The following PTPRG variants were observed in gnomAD, a reference collection of about 807,000 sequenced individuals.
PTPRG encodes the protein protein tyrosine phosphatase receptor type G.
Under a neutral mutation model 165.3 loss-of-function variants are expected in PTPRG, and 102 were observed. The ratio of observed to expected loss-of-function variants is 0.62; its 90% CI spans 0.53 to 0.73. The LOEUF is 0.73. Ranked by LOEUF, PTPRG falls within the 30% of genes least tolerant of loss-of-function variation. The pLI, the probability that PTPRG is intolerant of heterozygous loss-of-function variation, is 0.00. For missense variants in PTPRG, 1,866 were observed against 1,861.4 expected, an observed-to-expected ratio of 1.00 and a Z score of -0.05; for synonymous variants, 675 against 669.5, an observed-to-expected ratio of 1.01 and a Z score of -0.13.
At chr3:62,089,954 T>A (rs950363863) in intron 5 of PTPRG, among the ~76,000 whole-genome samples, 1 of 151,794 alleles carries the variant, frequency 6.6e-6, no homozygotes, top group African/African-American at 2.4e-5. Context: ...ATGGGAGGAG[T>A]TGCTACCTCC....
intron 8 of PTPRG, among the ~76,000 whole-genome samples, chr3:62,178,693 A>G (rs1705530376): frequency 6.6e-6 from 1 of 152,230 alleles, no homozygotes; most frequent in Non-Finnish European, 1.5e-5. Context: ...TGATACTGGT[A>G]GCAGACTCCA....
At position 62,175,187 on chromosome 3, in the gene PTPRG, CTT is replaced by C. The variant is rs532340425; in HGVS notation, c.1033+7027_1033+7028del. Among the ~76,000 whole-genome samples the C allele has an allele frequency of 4.1e-3, 625 of 152,294 alleles. 3 individuals are homozygous for C. Among genetic ancestry groups the C allele is most frequent in the African/African-American group, 0.014 (600 of 41,552 alleles). The stretch of plus-strand genomic sequence containing the variant: ...TGACATAATGTTGATATTTTATAGA[CTT>C]TTAATGTAGCATTAAATATTTTGTA... On this transcript the variant is annotated intron_variant, in intron 8 of 29. Coordinates refer to ENST00000474889, the MANE Select transcript of PTPRG (RefSeq NM_002841.4).
chr3:62,255,261 C>A lies in PTPRG; in HGVS notation c.2559+46C>A. ...TTAACTTCCAGAAACCTAAGTCTTA[C>A]TTTATGCAGATTTTTGTAAACTTGA... is the stretch of plus-strand genomic sequence containing the variant. On this transcript the variant is annotated intron_variant, in intron 16 of 29. Coordinates refer to ENST00000474889, the MANE Select transcript of PTPRG (RefSeq NM_002841.4). This position sits in a 1 kb window ranked among gnomAD's most constrained non-coding sequence, Gnocchi z 4.0. 3.4e-6 allele frequency: 5 copies of A among 1,464,592 alleles called. No individual in the cohort carries two copies. Among genetic ancestry groups the A allele is most frequent in the Non-Finnish European group, 4.7e-6 (5 of 1,059,826 alleles). The allele number at this position is 1,464,592 out of a possible 1,614,324, so 90.7% of individuals were successfully genotyped here.
intron 1 of PTPRG, among the ~76,000 whole-genome samples, chr3:61,748,036 C>T (rs1270124644): frequency 6.6e-6 from 1 of 152,134 alleles, no homozygotes; most frequent in Non-Finnish European, 1.5e-5. Context: ...GGAAGCTCTC[C>T]ATAATGGGTG....
chr3:61,892,705 A>G (rs1349464194), intron 2 of PTPRG, among the ~76,000 whole-genome samples: 1 of 151,870 alleles, frequency 6.6e-6, no homozygotes, highest in East Asian at 1.9e-4. Context: ...AATCCCAGCT[A>G]CTCAGGAGGC....
At chr3:62,165,848 G>A (rs1464095546) in intron 7 of PTPRG, among the ~76,000 whole-genome samples, 1 of 152,118 alleles carries the variant, frequency 6.6e-6, no homozygotes, top group Non-Finnish European at 1.5e-5. Context: ...AGACTGTTTG[G>A]AAGCAGGTCA....
At position 61,963,190 on chromosome 3, in the gene PTPRG, A is replaced by G. The variant is rs1351258; in HGVS notation, c.191-26435A>G. The stretch of plus-strand genomic sequence containing the variant: ...TTTAAAGTAGGAGTTCTTAACCAGC[A>G]TAAGACTTTAAGGGGTTATTAAACA... On this transcript the variant is annotated intron_variant, in intron 2 of 29. Transcript: ENST00000474889. 1.2e-3 allele frequency among the ~76,000 whole-genome samples: 185 copies of G among 152,358 alleles called. 2 individuals are homozygous for G. The highest frequency in any genetic ancestry group is 4.0e-3 in the African/African-American group (166 of 41,592).
chr3:61,621,506 C>A (rs1701456186), intron 1 of PTPRG, among the ~76,000 whole-genome samples: 1 of 152,158 alleles, frequency 6.6e-6, no homozygotes, highest in Non-Finnish European at 1.5e-5. Context: ...GGATACTGTG[C>A]TTTAGAAGTT....
At chr3:61,637,725 G>A (rs563614826) in intron 1 of PTPRG, among the ~76,000 whole-genome samples, 1 of 152,242 alleles carries the variant, frequency 6.6e-6, no homozygotes, top group South Asian at 2.1e-4. Flanking sequence ...GCCAACTGTG[G>A]ATTTGTGTGT....
intron 1 of PTPRG, among the ~76,000 whole-genome samples, chr3:61,638,560 G>GACT (rs1701979661): frequency 1.4e-5 from 2 of 145,576 alleles, no homozygotes; most frequent in Admixed American, 6.9e-5. Flanking sequence ...AAGTAGCTGG[G>GACT]ACTACAGGCA....
intron 5 of PTPRG, among the ~76,000 whole-genome samples, chr3:62,080,441 A>G (rs1024577771): frequency 5.3e-4 from 81 of 152,042 alleles, no homozygotes; most frequent in African/African-American, 1.9e-3. Flanking sequence ...AACTGCTCTT[A>G]AAACAGTTCC....
At chr3:62,121,822 G>A (rs1007827) in intron 5 of PTPRG, among the ~76,000 whole-genome samples, 13,693 of 152,266 alleles carry the variant, frequency 0.09, 746 homozygotes, top group South Asian at 0.12. Flanking sequence ...TCAGAGGAGA[G>A]AGAGTTGGCC....
chr3:61,634,881 C>T (rs1008490077), intron 1 of PTPRG, among the ~76,000 whole-genome samples: 47 of 152,188 alleles, frequency 3.1e-4, no homozygotes, highest in Admixed American at 3.1e-3. Context: ...TGTCACAACA[C>T]TGTTGAGTGA....
chr3:62,119,599 G>T (rs1347401215), intron 5 of PTPRG, among the ~76,000 whole-genome samples: 1 of 151,452 alleles, frequency 6.6e-6, no homozygotes, highest in Non-Finnish European at 1.5e-5. Flanking sequence ...GTTGTGATTA[G>T]ATTTTTTTTT....
chr3:61,997,690 C>T (rs1251421749), intron 3 of PTPRG, among the ~76,000 whole-genome samples: 2 of 152,178 alleles, frequency 1.3e-5, no homozygotes, highest in African/African-American at 2.4e-5. Flanking sequence ...GCTGTAAGTT[C>T]CATAAGGGCA....
At chr3:62,259,785 C>A (rs533836753) in intron 16 of PTPRG, among the ~76,000 whole-genome samples, 22 of 152,184 alleles carry the variant, frequency 1.4e-4, no homozygotes, top group Admixed American at 3.9e-4. Context: ...GATAAAGATA[C>A]ATGGATTTGG....
intron 1 of PTPRG, among the ~76,000 whole-genome samples, chr3:61,590,672 A>G (rs1355673734): frequency 1.3e-5 from 2 of 152,250 alleles, no homozygotes; most frequent in African/African-American, 2.4e-5. Context: ...ATAGAAATAC[A>G]TAGATTATTT....
At chr3:61,778,470 G>A (rs1215549265) in intron 2 of PTPRG, among the ~76,000 whole-genome samples, 1 of 152,082 alleles carries the variant, frequency 6.6e-6, no homozygotes, top group Non-Finnish European at 1.5e-5. Flanking sequence ...AACTTGGGAT[G>A]GGGGTGGGTT....
chr3:61,797,448 C>A (rs1304294243), intron 2 of PTPRG, among the ~76,000 whole-genome samples: 1 of 151,836 alleles, frequency 6.6e-6, no homozygotes, highest in Non-Finnish European at 1.5e-5. Flanking sequence ...AACCTTTTTC[C>A]GTAATAACTA....
Sources: allele counts gnomAD v4.1 joint callset (sites outside exome capture counted in the v4.1 genomes callset), GRCh38; gene constraint gnomAD v4.1.1; non-coding constraint Gnocchi (gnomAD v3.1); transcripts MANE v1.5; gene names NCBI Gene and HGNC (gene_info 2026-07-23, HGNC 2026-07-21).